Variants in CTNS observed in about 807,000 individuals in gnomAD.
CTNS encodes cystinosin, lysosomal cystine transporter, also known as cystinosin.
CTNS carries 27 observed loss-of-function variants against 43.7 expected under a neutral mutation model. The ratio of observed to expected loss-of-function variants is 0.62; its 90% CI spans 0.46 to 0.85. The LOEUF is 0.85. Among genes scored for constraint, CTNS ranks in the 40% least tolerant of loss-of-function variants. The pLI, the probability that CTNS is intolerant of heterozygous loss-of-function variation, is 0.00. For missense variants in CTNS, 457 were observed against 475.4 expected (o/e 0.96, Z 0.36); for synonymous variants, 187 against 190.6 (o/e 0.98, Z 0.16).
Position 3,638,344 on chromosome 17 carries a change from T to C in CTNS, c.-20+1028T>C, listed in dbSNP as rs550858476. Among the ~76,000 whole-genome samples, 13 of 152,064 alleles carry C rather than the reference T, an allele frequency of 8.5e-5. No individual in the cohort carries two copies. The East Asian group carries it at 2.5e-3, about 29-fold the overall frequency. On this transcript the variant is annotated intron_variant, in intron 2 of 11. Coordinates refer to ENST00000046640, the MANE Select transcript of CTNS (RefSeq NM_004937.3). ...CCTCCACCTCCCGGGTTCAAGCGAT[T>C]CTCCTGCCTCAGCCTCCTGAGTAGC...
chr17:3,639,717 G>C (rs1050812081), intron 2 of CTNS, among the ~76,000 whole-genome samples: 1 of 151,226 alleles, frequency 6.6e-6, no homozygotes, highest in Non-Finnish European at 1.5e-5. Flanking sequence ...GTTTTTTTAA[G>C]TCTTAAGGGT....
rs932218912 is a variant in CTNS, at chr17:3,659,905, C to T, written c.900C>T (p.Gly300=). 4 of 1,613,900 alleles carry T rather than the reference C, an allele frequency of 2.5e-6. No homozygotes were observed. The highest frequency in any genetic ancestry group is 2.7e-5 in the African/African-American group (2 of 74,956). The change falls in exon 11 of 12, where the codon GGC becomes GGT. Residue 300 remains glycine (G), a synonymous_variant. Transcript: ENST00000046640. ...AAAGCACTGAGGGCTGGAGCATTGG[C>T]AACGTGCTCCTGGACTTCACCGGGG... ...YYKSTEGWSI[G]NVLLDFTGGS... is the part of the protein sequence containing the mutation.
chr17:3,653,773 G>A (rs1057510992), intron 5 of CTNS, among the ~76,000 whole-genome samples: 45 of 152,150 alleles, frequency 3.0e-4, no homozygotes, highest in African/African-American at 9.7e-4. Flanking sequence ...CTACTCGGGA[G>A]GCTGAGGCGG....
chr17:3,638,517 C>A (rs1183977292), intron 2 of CTNS, among the ~76,000 whole-genome samples: 1 of 150,256 alleles, frequency 6.7e-6, no homozygotes, highest in Non-Finnish European at 1.5e-5. Context: ...GAATTACACA[C>A]ACGAGCCACT....
chr17:3,639,978 T>A (rs941254464), intron 2 of CTNS, among the ~76,000 whole-genome samples: 3 of 152,214 alleles, frequency 2.0e-5, no homozygotes, highest in Non-Finnish European at 2.9e-5. Context: ...AACCCATTTA[T>A]CTGCTCGGAG....
rs759622176 is a variant in CTNS at position 3,655,302 on chromosome 17, C to G, written c.411C>G (p.Ala137=). 1 of 1,614,216 alleles carries G rather than the reference C, an allele frequency of 6.2e-7. No individual in the cohort carries two copies. The highest frequency in any genetic ancestry group is 1.1e-5 in the South Asian group (1 of 91,080). Residue 137 remains alanine, a synonymous_variant, in exon 7 of 12, where the codon GCC becomes GCG. Transcript: ENST00000046640. ...NQVIGWIYFV[A]WSISFYPQVI... is the part of the protein sequence containing the mutation. ...TGATTGGCTGGATCTACTTTGTGGC[C>G]TGGTCCATCTCCTTCTACCCTCAGG...
chr17:3,641,384 A>ATATATATATATATATATAT (rs1555558526), intron 3 of CTNS, among the ~76,000 whole-genome samples: 1 of 31,204 alleles, frequency 3.2e-5, no homozygotes, highest in Non-Finnish European at 4.5e-5. Context: ...ATATATATAT[A>ATATATATATATATATATAT]TTTTTTTTTT....
intron 3 of CTNS, among the ~76,000 whole-genome samples, chr17:3,647,229 G>A (rs981726854): frequency 6.6e-6 from 1 of 152,212 alleles, no homozygotes; most frequent in Non-Finnish European, 1.5e-5. Context: ...ACGCTCCGGC[G>A]TTTCCTGCTC....
At position 3,660,682 on chromosome 17, in the gene CTNS, C is replaced by T. The variant is rs146610717; in HGVS notation, c.*313C>T. On this transcript the variant is annotated 3_prime_UTR_variant, in exon 12 of 12. Transcript: ENST00000046640. Reference sequence around the variant, plus strand: ...CAGGACTGGGCACCAAGCTTGCAGCCGAAGGCCTTGCCCCAAACTACCAGC... The same window carrying T: ...CAGGACTGGGCACCAAGCTTGCAGCTGAAGGCCTTGCCCCAAACTACCAGC... 6.7e-5 allele frequency: 108 copies of T among 1,613,518 alleles called. 1 individual carries two copies. In the Middle Eastern group the frequency reaches 1.5e-3, roughly 22 times the overall value.
At chr17:3,637,654 A>G (rs1180223174) in intron 2 of CTNS, among the ~76,000 whole-genome samples, 1 of 151,824 alleles carries the variant, frequency 6.6e-6, no homozygotes, top group Non-Finnish European at 1.5e-5. Context: ...TTTAGTAGAG[A>G]TGGGGATTCA....
intron 5 of CTNS, chr17:3,650,402 A>T (rs1001010942): frequency 6.6e-6 from 10 of 1,515,602 alleles, no homozygotes; most frequent in South Asian, 1.3e-5. Flanking sequence ...GAATCACTTG[A>T]GCCCAGGAAC....
chr17:3,657,360 C>T (rs570554065), intron 9 of CTNS, among the ~76,000 whole-genome samples: 1 of 152,200 alleles, frequency 6.6e-6, no homozygotes, highest in Non-Finnish European at 1.5e-5. Context: ...TGGGTGTCGG[C>T]AGGGCAGGGC....
At chr17:3,640,398 T>C (rs1287104372) in intron 3 of CTNS, 131 bp downstream of exon 3, 6 of 1,033,634 alleles carry the variant, frequency 5.8e-6, no homozygotes, top group African/African-American at 1.6e-5. Context: ...CTCTTGGCCA[T>C]GTGGCCACTG....
intron 5 of CTNS, among the ~76,000 whole-genome samples, chr17:3,653,857 CAA>C (rs1567708288): frequency 2.2e-5 from 3 of 138,974 alleles, no homozygotes; most frequent in African/African-American, 7.7e-5. Flanking sequence ...GCCTGGGCAA[CAA>C]GAGCAAAACT....
chr17:3,647,196 C>T (rs1197104517), intron 3 of CTNS, among the ~76,000 whole-genome samples: 3 of 152,232 alleles, frequency 2.0e-5, no homozygotes, highest in Non-Finnish European at 4.4e-5. Context: ...ACTCTCAGAG[C>T]CTGTCATCGC....
At position 3,660,735 on chromosome 17, in the gene CTNS, C is replaced by G. The variant is rs770940417; in HGVS notation, c.*366C>G. On this transcript the variant is annotated 3_prime_UTR_variant, in exon 12 of 12. Transcript: ENST00000046640. ...TTCTGCAAGCAGCTTGAAGGGCTGACCTTGCAGCCGGGTGAGCCAAGGGCA... is the reference window on the plus strand; with the variant it reads ...TTCTGCAAGCAGCTTGAAGGGCTGAGCTTGCAGCCGGGTGAGCCAAGGGCA... The G allele has an allele frequency of 6.2e-7, 1 of 1,613,312 alleles. No homozygotes were observed. Among genetic ancestry groups the G allele is most frequent in the African/African-American group, 1.3e-5 (1 of 74,954 alleles).
Position 3,656,806 on chromosome 17 carries a change from C to A in CTNS, c.681+11C>A. 1 of 1,612,968 alleles carries A rather than the reference C, an allele frequency of 6.2e-7. No individual in the cohort carries two copies. ...TGCTGCCTGTATGAGGTGAGACCAG[C>A]CCTGGCCCCCCACAGGCCACCCCAG... On this transcript the variant is annotated intron_variant, in intron 9 of 11. Transcript: ENST00000046640.
Position 3,655,052 on chromosome 17 carries a change from G to A in CTNS, c.280G>A (p.Val94Ile). The change falls in exon 6 of 12, where the codon GTT (valine) becomes ATT (isoleucine). Residue 94 changes from valine to isoleucine, a missense_variant. Transcript: ENST00000046640. Reference sequence around the variant, plus strand: ...CTCTTTTCAAGTGACATCTCAAAATGTTGGACAACTTACTGTTTATCTACA... The same window carrying A: ...CTCTTTTCAAGTGACATCTCAAAATATTGGACAACTTACTGTTTATCTACA... ...NSSFQVTSQNVGQLTVYLHGN... is the reference protein window; with the variant it reads ...NSSFQVTSQNIGQLTVYLHGN... 2 of 1,614,140 alleles carry A rather than the reference G, an allele frequency of 1.2e-6. No homozygotes were observed. The highest frequency in any genetic ancestry group is 1.7e-6 in the Non-Finnish European group (2 of 1,179,994).
At chr17:3,649,736 T>TA (rs1460968099) in intron 5 of CTNS, among the ~76,000 whole-genome samples, 1 of 148,566 alleles carries the variant, frequency 6.7e-6, no homozygotes, top group Admixed American at 7.0e-5. Context: ...TTTATGCATG[T>TA]ATCTATTTGT....
Sources: gnomAD v4.1 joint callset for allele counts (sites outside exome capture counted in the v4.1 genomes callset) on GRCh38, gnomAD v4.1.1 for gene constraint, MANE v1.5 for transcripts, NCBI Gene and HGNC (gene_info 2026-07-23, HGNC 2026-07-21) for gene names.